Variants in TMEM178B observed in about 807,000 individuals in gnomAD.
The protein encoded by TMEM178B is transmembrane protein 178B.
TMEM178B carries 5 observed loss-of-function variants against 31.0 expected under a neutral mutation model. The ratio of observed to expected loss-of-function variants is 0.16; its 90% CI spans 0.08 to 0.34. The LOEUF (loss-of-function observed/expected upper bound fraction) is 0.34. Among genes scored for constraint, TMEM178B ranks in the 10% least tolerant of loss-of-function variants. The probability of loss-of-function intolerance (pLI) is 1.00; values close to 1 mark genes in which losing one functional copy is unlikely to be tolerated. For synonymous variants in TMEM178B, 164 were observed against 164.0 expected (o/e 1.00, Z 0.00); for missense variants, 275 against 400.3 (o/e 0.69, Z 2.67).
rs147929901 is a variant in TMEM178B, at chr7:141,159,151, A to C, written c.383-53440A>C. Among the ~76,000 whole-genome samples, 286 of 151,938 alleles carry C rather than the reference A, an allele frequency of 1.9e-3. 4 individuals are homozygous for C. Among genetic ancestry groups the C allele is most frequent in the African/African-American group, 6.6e-3 (272 of 41,410 alleles). ...CTATCCCCATCTGATGGTTGCTTAC[A>C]TCTCCTCATCTCCTCTTTCTTCCCT... On this transcript the variant is annotated intron_variant, in intron 1 of 3. Coordinates refer to ENST00000565468, the MANE Select transcript of TMEM178B (RefSeq NM_001195278.2).
chr7:141,293,888 A>G (rs1401389165), intron 2 of TMEM178B, among the ~76,000 whole-genome samples: 1 of 152,194 alleles, frequency 6.6e-6, no homozygotes, highest in African/African-American at 2.4e-5. Context: ...GTCCCATCAA[A>G]AACGTAGGAA....
intron 2 of TMEM178B, among the ~76,000 whole-genome samples, chr7:141,394,878 G>T (rs1800609465): frequency 6.6e-6 from 1 of 152,136 alleles, no homozygotes; most frequent in African/African-American, 2.4e-5. Context: ...TCACTACTCT[G>T]AATGTCTTCC....
At chr7:141,496,597 G>A in the TMEM178B span, among the ~76,000 whole-genome samples, 1 of 142,638 alleles carries the variant, frequency 7.0e-6, no homozygotes, top group Non-Finnish European at 1.5e-5. Context: ...GTGAACCCGG[G>A]AGGCGGAGCT....
At chr7:141,326,257 A>G (rs1310466367) in intron 2 of TMEM178B, among the ~76,000 whole-genome samples, 2 of 151,978 alleles carry the variant, frequency 1.3e-5, no homozygotes, top group Non-Finnish European at 2.9e-5. Flanking sequence ...TTGCTTTCTC[A>G]TTTTTCTGAA....
chr7:141,101,170 C>G (rs775749036), intron 1 of TMEM178B, among the ~76,000 whole-genome samples: 1 of 152,114 alleles, frequency 6.6e-6, no homozygotes, highest in African/African-American at 2.4e-5. Context: ...AGAGTGTAAC[C>G]TGTAAATCTG....
intron 2 of TMEM178B, among the ~76,000 whole-genome samples, chr7:141,341,053 CACCTT>C: frequency 6.6e-6 from 1 of 152,280 alleles, no homozygotes; most frequent in South Asian, 2.1e-4. Flanking sequence ...AATATATATG[CACCTT>C]CACAACAAAT....
the TMEM178B span, among the ~76,000 whole-genome samples, chr7:141,493,531 C>T: frequency 7.2e-5 from 11 of 152,112 alleles, no homozygotes; most frequent in African/African-American, 1.9e-4. Flanking sequence ...AGCCCACCTG[C>T]GGCTGCAGTC....
the TMEM178B span, among the ~76,000 whole-genome samples, chr7:141,501,319 A>G: frequency 6.8e-6 from 1 of 147,850 alleles, no homozygotes; most frequent in Admixed American, 6.7e-5. Flanking sequence ...TATTAGGAGA[A>G]AAAAAAAAGG....
At chr7:141,276,121 GC>G (rs886715760) in intron 2 of TMEM178B, among the ~76,000 whole-genome samples, 7 of 152,172 alleles carry the variant, frequency 4.6e-5, no homozygotes, top group African/African-American at 1.7e-4. Context: ...TGGGGAAAAT[GC>G]AGTGGGTTGG....
At chr7:141,399,485 C>G (rs1800715889) in intron 2 of TMEM178B, among the ~76,000 whole-genome samples, 1 of 152,178 alleles carries the variant, frequency 6.6e-6, no homozygotes, top group Non-Finnish European at 1.5e-5. Flanking sequence ...TCATAACATT[C>G]CAGTATAGTA....
At chr7:141,439,581 A>C (rs566541876) in intron 3 of TMEM178B, among the ~76,000 whole-genome samples, 2 of 152,158 alleles carry the variant, frequency 1.3e-5, no homozygotes, top group Admixed American at 1.3e-4. Flanking sequence ...AGCCCCCCAA[A>C]ATATAAAAAG....
At chr7:141,233,124 G>T (rs1797473513) in intron 2 of TMEM178B, among the ~76,000 whole-genome samples, 1 of 152,198 alleles carries the variant, frequency 6.6e-6, no homozygotes, top group Admixed American at 6.5e-5. Context: ...TCTCTCCAAG[G>T]CAGATTGGGA....
At chr7:141,382,144 T>C (rs530721495) in intron 2 of TMEM178B, among the ~76,000 whole-genome samples, 1 of 152,354 alleles carries the variant, frequency 6.6e-6, no homozygotes, top group African/African-American at 2.4e-5. Context: ...CTGTTCTCCA[T>C]ATAGCAGCCA....
intron 2 of TMEM178B, among the ~76,000 whole-genome samples, chr7:141,273,302 C>T (rs1445121182): frequency 6.6e-6 from 1 of 152,152 alleles, no homozygotes; most frequent in Non-Finnish European, 1.5e-5. Context: ...AGCTCATATA[C>T]AGCATAAGTG....
intron 2 of TMEM178B, among the ~76,000 whole-genome samples, chr7:141,333,004 C>T (rs563552678): frequency 6.6e-6 from 1 of 152,182 alleles, no homozygotes; most frequent in African/African-American, 2.4e-5. Flanking sequence ...TTGGAATCCA[C>T]CATTTTGAGA....
At chr7:141,438,484 T>C (rs1180822842) in intron 3 of TMEM178B, among the ~76,000 whole-genome samples, 2 of 151,546 alleles carry the variant, frequency 1.3e-5, no homozygotes, top group Non-Finnish European at 2.9e-5. Context: ...AGTTGACCAC[T>C]GGGTATGTCC....
Position 141,318,574 on chromosome 7 carries a change from A to C in TMEM178B, c.496+105870A>C, listed in dbSNP as rs1799045448. On this transcript the variant is annotated intron_variant, in intron 2 of 3. Coordinates refer to ENST00000565468, the MANE Select transcript of TMEM178B (RefSeq NM_001195278.2). The surrounding 1 kb of genome is among the most constrained non-coding windows in gnomAD (Gnocchi z 4.1). ...ATAAAGATGTATTGGAGACTAAAAT[A>C]TTCCTCATCTCTTCAAACCCGTGCT... Among the ~76,000 whole-genome samples the C allele has an allele frequency of 6.6e-6, 1 of 152,234 alleles. No homozygotes were observed. The highest frequency in any genetic ancestry group is 2.4e-5 in the African/African-American group (1 of 41,464).
chr7:141,274,838 C>G (rs1271892999), intron 2 of TMEM178B, among the ~76,000 whole-genome samples: 1 of 152,120 alleles, frequency 6.6e-6, no homozygotes, highest in Non-Finnish European at 1.5e-5. Flanking sequence ...AAAGCAGGGA[C>G]CAAGGAGGCA....
At chr7:141,410,290 A>G (rs541875379) in intron 2 of TMEM178B, among the ~76,000 whole-genome samples, 1 of 152,284 alleles carries the variant, frequency 6.6e-6, no homozygotes, top group South Asian at 2.1e-4. Flanking sequence ...ATGCAGATGT[A>G]ACAAATCCCA....
Sources: allele counts gnomAD v4.1 joint callset (sites outside exome capture counted in the v4.1 genomes callset), GRCh38; gene constraint gnomAD v4.1.1; non-coding constraint Gnocchi (gnomAD v3.1); transcripts MANE v1.5; gene names NCBI Gene and HGNC (gene_info 2026-07-23, HGNC 2026-07-21).